Variants in JMJD1C observed in about 807,000 individuals in gnomAD.
The protein encoded by JMJD1C is jumonji domain containing 1C.
In JMJD1C, 31 loss-of-function variants were observed where a neutral mutation model predicts 245.3. That is an observed-to-expected ratio of 0.13 (90% CI 0.09 to 0.17). The LOEUF is 0.17. Ranked by LOEUF, JMJD1C falls within the 10% of genes least tolerant of loss-of-function variation. The probability of loss-of-function intolerance (pLI) is 1.00; values close to 1 mark genes in which losing one functional copy is unlikely to be tolerated. For missense variants in JMJD1C, 2,691 were observed against 3,000.2 expected, an observed-to-expected ratio of 0.90 and a Z score of 2.41; for synonymous variants, 1,057 against 1,017.4, an observed-to-expected ratio of 1.04 and a Z score of -0.74.
chr10:63,391,911 T>C (rs1948088170), intron 1 of JMJD1C, among the ~76,000 whole-genome samples: 1 of 152,200 alleles, frequency 6.6e-6, no homozygotes, highest in Non-Finnish European at 1.5e-5. Context: ...ATTACAAGCC[T>C]ACAGTGGCCA....
At chr10:63,302,732 G>A (rs1860251149) in intron 2 of JMJD1C, among the ~76,000 whole-genome samples, 1 of 152,206 alleles carries the variant, frequency 6.6e-6, no homozygotes, top group Admixed American at 6.5e-5. Context: ...GAAAGCTCTA[G>A]CACAAGCTGG....
intron 4 of JMJD1C, among the ~76,000 whole-genome samples, chr10:63,218,179 C>T (rs996318429): frequency 6.6e-6 from 1 of 151,950 alleles, no homozygotes; most frequent in African/African-American, 2.4e-5. Context: ...AGCCCTTTTA[C>T]AAAAATCAAG....
intron 1 of JMJD1C, among the ~76,000 whole-genome samples, chr10:63,408,185 C>T (rs189447716): frequency 6.7e-4 from 102 of 152,116 alleles, no homozygotes; most frequent in African/African-American, 2.0e-3. Context: ...AGGTGGATCA[C>T]GAGGTCAGGA....
intron 2 of JMJD1C, 184 bp downstream of exon 2, chr10:63,380,134 G>A (rs1429484995): frequency 8.1e-6 from 4 of 495,878 alleles, no homozygotes; most frequent in Non-Finnish European, 1.4e-5. Context: ...GGTAGAGATG[G>A]GGTCTCGCTT....
At position 63,240,356 on chromosome 10, in the gene JMJD1C, G is replaced by A. The variant is rs553998711; in HGVS notation, c.448-20373C>T. Among the ~76,000 whole-genome samples, 99 of 152,230 alleles carry A rather than the reference G, an allele frequency of 6.5e-4. 1 individual carries two copies. Among genetic ancestry groups the A allele is most frequent in the South Asian group, 6.0e-3 (29 of 4,822 alleles). ...CAGCAAAGACTGATTAAAAAAATAG[G>A]AAAACCTGAAGAGAAGTATCAGAGT... On this transcript the variant is annotated intron_variant, in intron 3 of 25. Transcript: ENST00000399262.
Position 63,176,414 on chromosome 10 carries a change from A to G in JMJD1C, c.7284T>C (p.Ser2428=). The change falls in exon 24 of 26, where the codon AGT becomes AGC. Residue 2428 remains serine (S), a synonymous_variant. Transcript: ENST00000399262. ...GACGGAGCTTTTTGTTCACATACCA[A>G]CTTTGGTCACGTATTGGATCATGTT... The part of the protein sequence containing the change: ...LPEHDPIRDQ[S]WYVNKKLRQR... The G allele has an allele frequency of 6.2e-7, 1 of 1,613,876 alleles. No homozygotes were observed. The highest frequency in any genetic ancestry group is 2.2e-5 in the East Asian group (1 of 44,864).
At chr10:63,421,097 G>T (rs890212007) in intron 1 of JMJD1C, among the ~76,000 whole-genome samples, 2 of 152,168 alleles carry the variant, frequency 1.3e-5, no homozygotes, top group Admixed American at 1.3e-4. Context: ...CACAATGGGA[G>T]GCCAAGGCAG....
At chr10:63,229,221 A>C (rs1255662006) in intron 3 of JMJD1C, among the ~76,000 whole-genome samples, 1 of 152,112 alleles carries the variant, frequency 6.6e-6, no homozygotes, top group Admixed American at 6.6e-5. Context: ...AGCAAGGGGT[A>C]ATTAAGTCTC....
chr10:63,474,200 T>C (rs968440166), intron 1 of JMJD1C, among the ~76,000 whole-genome samples: 1 of 152,144 alleles, frequency 6.6e-6, no homozygotes, highest in African/African-American at 2.4e-5. Flanking sequence ...GACTCAGTAA[T>C]TCGACTCCTT....
intron 1 of JMJD1C, chr10:63,427,408 G>T: frequency 9.0e-7 from 1 of 1,108,378 alleles, no homozygotes; most frequent in South Asian, 1.3e-5. Context: ...CTTGACGGAA[G>T]ACACAGTACA....
intron 24 of JMJD1C, among the ~76,000 whole-genome samples, chr10:63,175,795 C>A (rs1842815275): frequency 6.6e-6 from 1 of 152,114 alleles, no homozygotes; most frequent in Non-Finnish European, 1.5e-5. Flanking sequence ...TATTCTATGC[C>A]ATTTTTCCCG....
At chr10:63,388,096 G>A (rs910125898) in intron 1 of JMJD1C, among the ~76,000 whole-genome samples, 7 of 152,002 alleles carry the variant, frequency 4.6e-5, no homozygotes, top group East Asian at 3.9e-4. Context: ...TGAAAACTTC[G>A]CAAGGCTGGC....
chr10:63,373,580 A>G (rs1041896541), intron 2 of JMJD1C, among the ~76,000 whole-genome samples: 8 of 152,216 alleles, frequency 5.3e-5, no homozygotes, highest in Non-Finnish European at 1.0e-4. Context: ...TGAAACAACT[A>G]GAAAGAAGAT....
chr10:63,209,450 T>C (rs1313148237), intron 8 of JMJD1C, among the ~76,000 whole-genome samples: 9 of 152,150 alleles, frequency 5.9e-5, no homozygotes, highest in Admixed American at 5.9e-4. Context: ...CATATCATAA[T>C]CAGTATTAAA....
chr10:63,181,572 C>G (rs1043664063), intron 22 of JMJD1C, among the ~76,000 whole-genome samples: 1 of 151,992 alleles, frequency 6.6e-6, no homozygotes, highest in African/African-American at 2.4e-5. Context: ...TGCTTTGTGA[C>G]CACCTATAAA....
At chr10:63,513,340 C>T (rs186970714) in intron 1 of JMJD1C, among the ~76,000 whole-genome samples, 72 of 152,188 alleles carry the variant, frequency 4.7e-4, no homozygotes, top group Non-Finnish European at 8.1e-4. Flanking sequence ...TGTAAGACCT[C>T]AAACTATAAG....
upstream of JMJD1C, among the ~76,000 whole-genome samples, chr10:63,468,742 T>C (rs1953397041): frequency 6.6e-6 from 1 of 151,972 alleles, no homozygotes; most frequent in Admixed American, 6.6e-5. Context: ...ACCTCCTACA[T>C]CAAATATCTT....
At chr10:63,487,927 T>C (rs548080188) in intron 1 of JMJD1C, among the ~76,000 whole-genome samples, 1 of 152,230 alleles carries the variant, frequency 6.6e-6, no homozygotes, top group South Asian at 2.1e-4. Flanking sequence ...CCTCATGTAA[T>C]ACTTCTAAGA....
At chr10:63,430,981 C>T (rs1950712576) in intron 1 of JMJD1C, among the ~76,000 whole-genome samples, 1 of 152,084 alleles carries the variant, frequency 6.6e-6, no homozygotes, top group African/African-American at 2.4e-5. Flanking sequence ...ACCTCGCTTC[C>T]CAAAGTGTTA....
Sources: gnomAD v4.1 joint callset for allele counts (sites outside exome capture counted in the v4.1 genomes callset) on GRCh38, gnomAD v4.1.1 for gene constraint, MANE v1.5 for transcripts, NCBI Gene and HGNC (gene_info 2026-07-23, HGNC 2026-07-21) for gene names.